Variants in CTDSPL observed in about 807,000 individuals in gnomAD.
CTDSPL encodes CTD small phosphatase-like protein.
A neutral mutation model predicts 30.5 loss-of-function variants in CTDSPL; 8 were observed. The ratio of observed to expected loss-of-function variants is 0.26; its 90% confidence interval spans 0.15 to 0.47. CTDSPL has a LOEUF of 0.47. Ranked by LOEUF, CTDSPL falls within the 20% of genes least tolerant of loss-of-function variation. The pLI, the probability that CTDSPL is intolerant of heterozygous loss-of-function variation, is 0.99. For synonymous variants in CTDSPL, 110 were observed against 137.9 expected (o/e 0.80, Z 1.42); for missense variants, 248 against 366.1 (o/e 0.68, Z 2.63).
chr3:37,957,528 A>G (rs948041760), intron 3 of CTDSPL, among the ~76,000 whole-genome samples: 1 of 152,144 alleles, frequency 6.6e-6, no homozygotes, highest in African/African-American at 2.4e-5. Context: ...AGTTCTTTGC[A>G]GCAGATTCAG....
rs184356347 is a variant in CTDSPL at position 37,905,593 on chromosome 3, C to G, written c.80-41464C>G. 2.6e-5 allele frequency among the ~76,000 whole-genome samples: 4 copies of G among 152,334 alleles called. No individual in the cohort carries two copies. The East Asian group carries it at 5.8e-4, about 22-fold the overall frequency. On this transcript the variant is annotated intron_variant, in intron 1 of 7. Transcript: ENST00000273179. ...ACTGCCTGAGCTAGGCTTCCTTCCCCCCCTCCCTCCTTGTGCCACAGCTGG... is the reference window on the plus strand; with the variant it reads ...ACTGCCTGAGCTAGGCTTCCTTCCCGCCCTCCCTCCTTGTGCCACAGCTGG...
chr3:37,951,424 C>G (rs767784580), intron 2 of CTDSPL, among the ~76,000 whole-genome samples: 36 of 151,908 alleles, frequency 2.4e-4, no homozygotes, highest in Non-Finnish European at 5.0e-4. Context: ...TCCTGTAATC[C>G]CAGCACTTTG....
intron 1 of CTDSPL, among the ~76,000 whole-genome samples, chr3:37,866,650 A>G (rs1287926979): frequency 6.6e-6 from 1 of 152,224 alleles, no homozygotes. Flanking sequence ...TAAACAGTTA[A>G]TTATTTTGTA....
At chr3:37,948,425 A>G (rs1478636491) in intron 2 of CTDSPL, among the ~76,000 whole-genome samples, 1 of 152,256 alleles carries the variant, frequency 6.6e-6, no homozygotes, top group East Asian at 1.9e-4. Context: ...CTGAAAGAAG[A>G]TTATTCATTA....
At chr3:37,875,215 G>A (rs1236045518) in intron 1 of CTDSPL, among the ~76,000 whole-genome samples, 1 of 152,180 alleles carries the variant, frequency 6.6e-6, no homozygotes, top group African/African-American at 2.4e-5. Flanking sequence ...AACACTGGTG[G>A]TATAGTCCTC....
intron 1 of CTDSPL, among the ~76,000 whole-genome samples, chr3:37,870,080 A>G (rs1443423715): frequency 6.6e-6 from 1 of 151,836 alleles, no homozygotes; most frequent in Non-Finnish European, 1.5e-5. Flanking sequence ...TGTTGTCTTT[A>G]TCTGGTTTGG....
At chr3:37,935,476 G>A (rs1053389042) in intron 1 of CTDSPL, among the ~76,000 whole-genome samples, 11 of 152,060 alleles carry the variant, frequency 7.2e-5, no homozygotes, top group African/African-American at 2.2e-4. Flanking sequence ...TCTGTGCAGT[G>A]ATGGCTAAGG....
In CTDSPL at chr3:37,975,725, C is replaced by T. The variant is rs1435441417; in HGVS notation, c.536C>T (p.Ala179Val). The change falls in exon 7 of 8, where the codon GCT (alanine) becomes GTT (valine). Residue 179 changes from alanine to valine, a missense_variant. Physicochemically the swap from Ala to Val is moderately conservative, Grantham distance 64. Transcript: ENST00000273179. The surrounding 1 kb of genome is among the most constrained non-coding windows in gnomAD (Gnocchi z 4.9). ...ASLAKYADPVADLLDRWGVFR... is the reference protein window; with the variant it reads ...ASLAKYADPVVDLLDRWGVFR... ...CTTTTCCAGTATGCAGACCCTGTGGCTGACCTCCTAGACCGCTGGGGTGTG... is the reference window on the plus strand; with the variant it reads ...CTTTTCCAGTATGCAGACCCTGTGGTTGACCTCCTAGACCGCTGGGGTGTG... 1.2e-6 allele frequency: 2 copies of T among 1,613,616 alleles called. No individual in the cohort carries two copies. Among genetic ancestry groups the T allele is most frequent in the Non-Finnish European group, 1.7e-6 (2 of 1,179,716 alleles).
chr3:37,892,044 C>T (rs545142443), intron 1 of CTDSPL, among the ~76,000 whole-genome samples: 3 of 152,236 alleles, frequency 2.0e-5, no homozygotes, highest in East Asian at 1.9e-4. Flanking sequence ...ACCTACAGAT[C>T]GGCCACATTT....
At chr3:37,910,277 CG>C (rs1406868427) in intron 1 of CTDSPL, among the ~76,000 whole-genome samples, 1 of 152,078 alleles carries the variant, frequency 6.6e-6, no homozygotes, top group Non-Finnish European at 1.5e-5. Flanking sequence ...GTTAGGAGTT[CG>C]AAACCAGCCT....
intron 1 of CTDSPL, among the ~76,000 whole-genome samples, chr3:37,863,033 G>T (rs956832114): frequency 6.6e-6 from 1 of 152,210 alleles, no homozygotes. Flanking sequence ...CAGACAATGA[G>T]GCCATGTGTC....
chr3:37,982,702 C>G lies in CTDSPL; in HGVS notation c.*1835C>G. ...ATTCTGAGTGTTCCAAACCAGTAAT[C>G]CACATGCCAATTCAAATAGAACAGC... On this transcript the variant is annotated 3_prime_UTR_variant, in exon 8 of 8. Transcript: ENST00000273179. 1 of 454,120 alleles carries G rather than the reference C, an allele frequency of 2.2e-6. No individual in the cohort carries two copies. Among genetic ancestry groups the G allele is most frequent in the Non-Finnish European group, 4.4e-6 (1 of 224,908 alleles). The allele number at this position is 454,120 out of a possible 1,614,324, so 28.1% of individuals were successfully genotyped here.
At chr3:37,970,154 C>T (rs538809123) in intron 5 of CTDSPL, among the ~76,000 whole-genome samples, 11 of 152,284 alleles carry the variant, frequency 7.2e-5, no homozygotes, top group Admixed American at 4.6e-4. Context: ...TCTCAGGCCT[C>T]GGGTCTCACC....
At chr3:37,874,769 GACAC>G (rs202076793) in intron 1 of CTDSPL, among the ~76,000 whole-genome samples, 1,595 of 152,056 alleles carry the variant, frequency 0.01, 31 homozygotes, top group South Asian at 0.077. Flanking sequence ...AATACAGACA[GACAC>G]ACGCACACAC....
At chr3:37,923,637 A>G (rs1019100546) in intron 1 of CTDSPL, among the ~76,000 whole-genome samples, 2 of 152,220 alleles carry the variant, frequency 1.3e-5, no homozygotes, top group Non-Finnish European at 2.9e-5. Context: ...TTTCTTAAAC[A>G]TATCTTATAA....
chr3:37,864,062 C>T lies in CTDSPL; in HGVS notation c.79+1784C>T, dbSNP rs1961699. 7.5e-3 allele frequency among the ~76,000 whole-genome samples: 1,135 copies of T among 152,216 alleles called. 7 individuals carry two copies. Among genetic ancestry groups the T allele is most frequent in the Middle Eastern group, 0.014 (4 of 294 alleles). ...CTTGGAGCCCTGGCTGGGTGTGTGC[C>T]CTCAGGGAGCGTTTGGTTGGAGGCA... On this transcript the variant is annotated intron_variant, in intron 1 of 7. Transcript: ENST00000273179.
At chr3:37,934,505 T>A (rs982108709) in intron 1 of CTDSPL, among the ~76,000 whole-genome samples, 15 of 152,202 alleles carry the variant, frequency 9.9e-5, no homozygotes, top group South Asian at 4.1e-4. Flanking sequence ...ATAATCACCT[T>A]AGCCCCGTGA....
Position 37,896,321 on chromosome 3 carries a change from A to G in CTDSPL, c.79+34043A>G, listed in dbSNP as rs190928965. 9.1e-4 allele frequency among the ~76,000 whole-genome samples: 139 copies of G among 152,294 alleles called. 1 individual carries two copies. Among genetic ancestry groups the G allele is most frequent in the Middle Eastern group, 6.8e-3 (2 of 294 alleles). The stretch of plus-strand genomic sequence containing the variant: ...CACGGAGGCTGCATGAAAGAGGGGT[A>G]TCTTAAAACAGCAGGACAGAGGGCA... On this transcript the variant is annotated intron_variant, in intron 1 of 7. Transcript: ENST00000273179.
chr3:37,872,364 G>A (rs867846765), intron 1 of CTDSPL, among the ~76,000 whole-genome samples: 55 of 151,720 alleles, frequency 3.6e-4, no homozygotes, highest in African/African-American at 1.2e-3. Context: ...CTTGTTCTTC[G>A]TATAATAAGC....
Sources: allele counts gnomAD v4.1 joint callset (sites outside exome capture counted in the v4.1 genomes callset), GRCh38; gene constraint gnomAD v4.1.1; non-coding constraint Gnocchi (gnomAD v3.1); transcripts MANE v1.5; gene names NCBI Gene and HGNC (gene_info 2026-07-23, HGNC 2026-07-21).